C5: variants seen among roughly 807,000 people sequenced by gnomAD.
C5 encodes the protein C3 and PZP-like alpha-2-macroglobulin domain-containing protein 4.
A neutral mutation model predicts 218.8 loss-of-function variants in C5; 140 were observed. That is an observed-to-expected ratio of 0.64 (90% CI 0.56 to 0.74). The LOEUF is 0.74. Ranked by LOEUF, C5 falls within the 30% of genes least tolerant of loss-of-function variation. C5 has a pLI of 0.00. For synonymous variants in C5, 614 were observed against 682.3 expected, an observed-to-expected ratio of 0.90 and a Z score of 1.56; for missense variants, 1,700 against 1,969.6, an observed-to-expected ratio of 0.86 and a Z score of 2.59.
At chr9:121,065,990 A>G in the C5 span, among the ~76,000 whole-genome samples, 4 of 152,158 alleles carry the variant, frequency 2.6e-5, no homozygotes, top group Non-Finnish European at 5.9e-5. Context: ...TAAAAGTTAG[A>G]CATTTTTGAA....
At chr9:121,004,874 ATATT>A (rs1239253686) in intron 20 of C5, among the ~76,000 whole-genome samples, 1 of 152,186 alleles carries the variant, frequency 6.6e-6, no homozygotes. Context: ...TAAGATACCA[ATATT>A]TAAATATTTT....
chr9:121,072,811 TTA>T, the C5 span, among the ~76,000 whole-genome samples: 1 of 55,976 alleles, frequency 1.8e-5, no homozygotes, highest in African/African-American at 8.6e-5. Context: ...GTTCAAAAAA[TTA>T]AAAAAAAAAA....
intron 17 of C5, among the ~76,000 whole-genome samples, chr9:121,013,444 A>C (rs1383743862): frequency 6.6e-6 from 1 of 152,212 alleles, no homozygotes; most frequent in African/African-American, 2.4e-5. Flanking sequence ...GCTTTTATAT[A>C]AGTACACTTA....
chr9:120,991,287 T>G lies in C5; in HGVS notation c.2852-7A>C. 3.2e-6 allele frequency: 5 copies of G among 1,555,360 alleles called. No homozygotes were observed. Among genetic ancestry groups the G allele is most frequent in the Non-Finnish European group, 4.4e-6 (5 of 1,126,430 alleles). On this transcript the variant is annotated splice_polypyrimidine_tract_variant and splice_region_variant and intron_variant, in intron 22 of 40. Transcript: ENST00000223642. ...TTTCGTCTGCTAATGGTACCTGTAA[T>G]TTAGAAAATTTGGATTTATACAGAG...
chr9:121,059,468 C>G, the C5 span, among the ~76,000 whole-genome samples: 1 of 152,222 alleles, frequency 6.6e-6, no homozygotes, highest in Admixed American at 6.5e-5. This position sits in a 1 kb window ranked among gnomAD's most constrained non-coding sequence, Gnocchi z 4.1. Flanking sequence ...TTTGGTTCCA[C>G]TGAGCCACGC....
At position 121,043,134 on chromosome 9, in the gene C5, G is replaced by A. The variant is rs886309598; in HGVS notation, c.291C>T (p.Asn97=). 2 of 1,613,226 alleles carry A rather than the reference G, an allele frequency of 1.2e-6. No individual in the cohort carries two copies. Among genetic ancestry groups the A allele is most frequent in the Non-Finnish European group, 1.7e-6 (2 of 1,179,576 alleles). Residue 97 remains asparagine (N), a synonymous_variant, in exon 3 of 41, where the codon AAC becomes AAT. Coordinates refer to ENST00000223642, the MANE Select transcript of C5 (RefSeq NM_001735.3). ...IQPKQLPGGQ[N]PVSYVYLEVV... is the part of the protein sequence containing the mutation. ...CTTCCAAATACACATAAGAAACTGG[G>A]TTTTGTCCTCCAGGCAATTGTTTTG...
chr9:121,069,053 A>C, the C5 span, among the ~76,000 whole-genome samples: 1 of 152,222 alleles, frequency 6.6e-6, no homozygotes, highest in African/African-American at 2.4e-5. Flanking sequence ...CTACTAGAAG[A>C]AAACATAGGG....
At chr9:120,974,474 C>T (rs1210280032) in intron 30 of C5, among the ~76,000 whole-genome samples, 1 of 152,242 alleles carries the variant, frequency 6.6e-6, no homozygotes, top group African/African-American at 2.4e-5. Flanking sequence ...CTGGACACAT[C>T]TGACAAACTC....
chr9:120,972,165 C>T (rs771361043), intron 30 of C5, among the ~76,000 whole-genome samples, 173 bp from the exon 31 acceptor site: 2 of 152,170 alleles, frequency 1.3e-5, no homozygotes, highest in Non-Finnish European at 2.9e-5. Flanking sequence ...CTAAACAAGG[C>T]TGGTATTTCC....
chr9:120,975,029 T>C, intron 29 of C5, 98 bp from the exon 30 acceptor site: 1 of 1,394,754 alleles, frequency 7.2e-7, no homozygotes, highest in Non-Finnish European at 1.0e-6. Context: ...CAGCATTGTC[T>C]GGAGATGAAA....
chr9:121,020,598 C>T (rs1007002185), intron 11 of C5, among the ~76,000 whole-genome samples: 1 of 152,190 alleles, frequency 6.6e-6, no homozygotes, highest in African/African-American at 2.4e-5. Context: ...TATGAACGAA[C>T]ATCTCAGAGA....
In C5 at chr9:120,955,498, A is replaced by G. The variant is rs145636494; in HGVS notation, c.4763-1630T>C. Reference sequence around the variant, plus strand: ...ACTTTGTTATTTCAGTAAAAAGAGAATGGCTTATTACTGCTTGTAATATGA... The same window carrying G: ...ACTTTGTTATTTCAGTAAAAAGAGAGTGGCTTATTACTGCTTGTAATATGA... On this transcript the variant is annotated intron_variant, in intron 39 of 40. Transcript: ENST00000223642. Among the ~76,000 whole-genome samples the G allele has an allele frequency of 9.0e-4, 137 of 152,330 alleles. No individual in the cohort carries two copies. The Middle Eastern group carries it at 0.01, about 11-fold the overall frequency.
At chr9:121,058,364 A>G in the C5 span, among the ~76,000 whole-genome samples, 4 of 152,214 alleles carry the variant, frequency 2.6e-5, no homozygotes, top group Non-Finnish European at 4.4e-5. Context: ...AAAAGCCAGG[A>G]AAGATACGAA....
the C5 span, among the ~76,000 whole-genome samples, chr9:121,057,368 T>C: frequency 6.6e-6 from 1 of 152,164 alleles, no homozygotes; most frequent in South Asian, 2.1e-4. Flanking sequence ...ATATACTTAA[T>C]AGAATGACTA....
Position 120,981,893 on chromosome 9 carries a change from G to C in C5, c.3437C>G (p.Ala1146Gly). The C allele has an allele frequency of 6.2e-7, 1 of 1,614,020 alleles. No homozygotes were observed. Among genetic ancestry groups the C allele is most frequent in the Non-Finnish European group, 8.5e-7 (1 of 1,179,938 alleles). ...CTTTCTAATTCCAATCACAGTAAAG[G>C]CTGTAAGATATAAGCTGTTCTCTCG... is the stretch of plus-strand genomic sequence containing the variant. Reference protein sequence around the residue: ...EARENSLYLTAFTVIGIRKAF... With the variant: ...EARENSLYLTGFTVIGIRKAF... The change falls in exon 27 of 41, where the codon GCC (alanine) becomes GGC (glycine). Residue 1146 changes from alanine (A) to glycine (G), a missense_variant. Ala to Gly is a moderately conservative substitution (Grantham distance 60, BLOSUM62 0). Coordinates refer to ENST00000223642, the MANE Select transcript of C5 (RefSeq NM_001735.3).
At chr9:120,979,933 G>C (rs1313386334) in intron 28 of C5, 150 bp downstream of exon 28, 5 of 684,938 alleles carry the variant, frequency 7.3e-6, no homozygotes, top group Non-Finnish European at 1.3e-5. Flanking sequence ...AATGAATAAC[G>C]GCACACATTA....
chr9:120,958,852 A>C (rs1431530340), intron 38 of C5, among the ~76,000 whole-genome samples: 2 of 152,018 alleles, frequency 1.3e-5, no homozygotes, highest in East Asian at 3.9e-4. Context: ...GCTGGAGTGC[A>C]ATGGCTTACT....
At chr9:121,050,816 C>G (rs1456853433), upstream of C5, among the ~76,000 whole-genome samples, 2 of 152,126 alleles carry the variant, frequency 1.3e-5, no homozygotes, top group African/African-American at 4.8e-5. Flanking sequence ...CTTGGTCTGT[C>G]TCAGTCTAGA....
chr9:121,074,345 C>T, the C5 span, among the ~76,000 whole-genome samples: 1 of 152,220 alleles, frequency 6.6e-6, no homozygotes, highest in African/African-American at 2.4e-5. Context: ...GAAGCCTGTG[C>T]AAGTGCTTCT....
Sources: allele counts gnomAD v4.1 joint callset (sites outside exome capture counted in the v4.1 genomes callset), GRCh38; gene constraint gnomAD v4.1.1; non-coding constraint Gnocchi (gnomAD v3.1); transcripts MANE v1.5; gene names NCBI Gene and HGNC (gene_info 2026-07-23, HGNC 2026-07-21).